The following TENM2 variants were observed in gnomAD, a reference collection of about 807,000 sequenced individuals.
The protein encoded by TENM2 is teneurin-2.
A neutral mutation model predicts 245.2 loss-of-function variants in TENM2; 52 were observed. The ratio of observed to expected loss-of-function variants is 0.21; its 90% CI spans 0.17 to 0.27. The LOEUF (loss-of-function observed/expected upper bound fraction) is 0.27, where lower values mean the gene tolerates loss of function less well. Among genes scored for constraint, TENM2 ranks in the 10% least tolerant of loss-of-function variants. The pLI, the probability that TENM2 is intolerant of heterozygous loss-of-function variation, is 1.00. For missense variants in TENM2, 3,046 were observed against 3,666.8 expected, an observed-to-expected ratio of 0.83 and a Z score of 4.37; for synonymous variants, 1,363 against 1,438.9, an observed-to-expected ratio of 0.95 and a Z score of 1.19.
chr5:167,792,890 C>T (rs1407549299), intron 2 of TENM2, among the ~76,000 whole-genome samples: 1 of 152,158 alleles, frequency 6.6e-6, no homozygotes, highest in Non-Finnish European at 1.5e-5. Context: ...GAGCCTGCCC[C>T]TCTGAGGTTT....
intron 2 of TENM2, among the ~76,000 whole-genome samples, chr5:167,757,078 A>T (rs946171111): frequency 7.6e-5 from 11 of 144,922 alleles, no homozygotes; most frequent in African/African-American, 2.8e-4. Flanking sequence ...TATATTTTTT[A>T]TTTTTTTATT....
intron 2 of TENM2, among the ~76,000 whole-genome samples, chr5:167,661,682 A>T (rs977677134): frequency 6.6e-6 from 1 of 152,240 alleles, no homozygotes; most frequent in African/African-American, 2.4e-5. Flanking sequence ...AATACTAAAA[A>T]GTGATTTAGA....
At chr5:167,557,943 A>C (rs1192851375) in intron 2 of TENM2, among the ~76,000 whole-genome samples, 1 of 152,254 alleles carries the variant, frequency 6.6e-6, no homozygotes, top group Non-Finnish European at 1.5e-5. Flanking sequence ...CTTGGAGAAA[A>C]TATAACTTCT....
intron 2 of TENM2, among the ~76,000 whole-genome samples, chr5:167,491,023 A>G (rs1768398489): frequency 6.6e-6 from 1 of 152,192 alleles, no homozygotes; most frequent in African/African-American, 2.4e-5. Flanking sequence ...TTGTCTAGGA[A>G]TCAATCACAG....
upstream of TENM2, among the ~76,000 whole-genome samples, chr5:167,280,995 G>T (rs1771024218): frequency 6.6e-6 from 1 of 152,026 alleles, no homozygotes; most frequent in Non-Finnish European, 1.5e-5. Context: ...ATAGGGAAAA[G>T]TATGTCTATT....
intron 2 of TENM2, among the ~76,000 whole-genome samples, chr5:167,686,112 G>A (rs1363359550): frequency 2.8e-4 from 43 of 152,262 alleles, no homozygotes; most frequent in South Asian, 2.1e-4. Context: ...ATAAGACAGC[G>A]TGTATTGATC....
chr5:167,412,551 T>G (rs1341595141), intron 2 of TENM2, among the ~76,000 whole-genome samples: 1 of 152,126 alleles, frequency 6.6e-6, no homozygotes, highest in Non-Finnish European at 1.5e-5. Flanking sequence ...GTGATAAGAT[T>G]ATCTATTACT....
At chr5:167,000,346 C>T in the TENM2 span, among the ~76,000 whole-genome samples, 1 of 152,156 alleles carries the variant, frequency 6.6e-6, no homozygotes, top group Admixed American at 6.5e-5. Context: ...AGGGATTTTA[C>T]TTCCATTTGC....
rs191438075 is a variant in TENM2 at position 167,709,151 on chromosome 5, C to T, written c.503-166835C>T. ...CAGACAGGGGACACTTCTCCCCCAC[C>T]GCCCCATCTGCAGCTGCGTGCATCC... On this transcript the variant is annotated intron_variant, in intron 2 of 28. Coordinates refer to ENST00000518659, the Ensembl canonical transcript of TENM2. Among the ~76,000 whole-genome samples the T allele has an allele frequency of 4.6e-5, 7 of 152,256 alleles. No homozygotes were observed. In the East Asian group the frequency reaches 7.7e-4, roughly 17 times the overall value.
At chr5:167,824,565 G>A (rs1767804334) in intron 2 of TENM2, among the ~76,000 whole-genome samples, 1 of 152,166 alleles carries the variant, frequency 6.6e-6, no homozygotes, top group Non-Finnish European at 1.5e-5. Context: ...GCAAATCAAG[G>A]AACTTCAAGT....
the TENM2 span, among the ~76,000 whole-genome samples, chr5:167,179,570 C>CCTGTGCAAAG: frequency 1.3e-5 from 2 of 152,032 alleles, no homozygotes; most frequent in Non-Finnish European, 2.9e-5. Context: ...GCGTAGGTTT[C>CCTGTGCAAAG]TTGAGCCCCA....
chr5:167,776,210 C>G (rs1052348582), intron 2 of TENM2, among the ~76,000 whole-genome samples: 5 of 125,126 alleles, frequency 4.0e-5, no homozygotes, highest in African/African-American at 1.7e-4. Flanking sequence ...GCATTCTTAT[C>G]CTATATGACT....
intron 1 of TENM2, among the ~76,000 whole-genome samples, chr5:167,302,247 T>C (rs2127738057): frequency 6.6e-6 from 1 of 152,208 alleles, no homozygotes; most frequent in African/African-American, 2.4e-5. Context: ...GAGTTTATAT[T>C]GGGGTCAAGT....
the TENM2 span, among the ~76,000 whole-genome samples, chr5:167,155,090 T>TG: frequency 1.3e-5 from 2 of 152,224 alleles, no homozygotes; most frequent in African/African-American, 4.8e-5. Context: ...CGTTGTGTAA[T>TG]GGGGCAAGTT....
intron 13 of TENM2, among the ~76,000 whole-genome samples, chr5:168,182,231 C>T (rs961661215): frequency 1.3e-5 from 2 of 152,224 alleles, no homozygotes; most frequent in African/African-American, 4.8e-5. Context: ...TTCTTAGTTA[C>T]ATCAAGCCCA....
chr5:167,460,390 A>G (rs1034653420), intron 2 of TENM2, among the ~76,000 whole-genome samples: 2 of 152,130 alleles, frequency 1.3e-5, no homozygotes, highest in African/African-American at 4.8e-5. Context: ...TTCCAGCTAT[A>G]CCATTTGTTT....
chr5:167,948,358 A>C (rs1274434626), intron 3 of TENM2, among the ~76,000 whole-genome samples: 3 of 152,248 alleles, frequency 2.0e-5, no homozygotes, highest in Non-Finnish European at 2.9e-5. Flanking sequence ...CAACTGTCCC[A>C]CAGAAAATCT....
the TENM2 span, among the ~76,000 whole-genome samples, chr5:167,247,039 A>AGTT: frequency 6.6e-6 from 1 of 152,174 alleles, no homozygotes; most frequent in East Asian, 1.9e-4. Flanking sequence ...GAGATGAACT[A>AGTT]GTTATTAAAA....
At chr5:168,018,362 C>T (rs1407813042) in intron 5 of TENM2, among the ~76,000 whole-genome samples, 2 of 148,286 alleles carry the variant, frequency 1.3e-5, no homozygotes, top group Non-Finnish European at 3.0e-5. Flanking sequence ...TTTGCTTTAA[C>T]ATGGTGTTGT....
Sources: gnomAD v4.1 joint callset for allele counts (sites outside exome capture counted in the v4.1 genomes callset) on GRCh38, gnomAD v4.1.1 for gene constraint, MANE v1.5 for transcripts, NCBI Gene and HGNC (gene_info 2026-07-23, HGNC 2026-07-21) for gene names.